Variants in PRKCE observed in about 807,000 individuals in gnomAD.
The protein encoded by PRKCE is protein kinase C epsilon type.
In PRKCE, 16 loss-of-function variants were observed where a neutral mutation model predicts 85.4. The observed-to-expected ratio is 0.19, with a 90% confidence interval of 0.13 to 0.28. The LOEUF is 0.28. PRKCE is among the 10% of genes least tolerant of loss of function. The pLI is 1.00. For synonymous variants in PRKCE, 388 were observed against 371.5 expected (o/e 1.04, Z -0.51); for missense variants, 573 against 975.2 (o/e 0.59, Z 5.49).
chr2:46,006,165 T>A (rs1232352020), intron 8 of PRKCE, among the ~76,000 whole-genome samples: 1 of 152,232 alleles, frequency 6.6e-6, no homozygotes, highest in African/African-American at 2.4e-5. Context: ...GCGACATTAT[T>A]ACAGAACAGA....
chr2:46,063,766 AACTCCTTACCAGCG>A, intron 10 of PRKCE, among the ~76,000 whole-genome samples: 1 of 152,140 alleles, frequency 6.6e-6, no homozygotes, highest in Non-Finnish European at 1.5e-5. Context: ...CCTTACCAGC[AACTCCTTACCAGCG>A]ACTCCTCTTC....
chr2:45,948,363 C>T (rs1182248515), intron 2 of PRKCE, among the ~76,000 whole-genome samples: 3 of 152,176 alleles, frequency 2.0e-5, no homozygotes, highest in South Asian at 2.1e-4. Context: ...ATTCGGGCTG[C>T]GTGCAGTGGC....
At chr2:45,677,594 G>T (rs1676577242) in intron 1 of PRKCE, among the ~76,000 whole-genome samples, 1 of 152,142 alleles carries the variant, frequency 6.6e-6, no homozygotes. Flanking sequence ...CTGACCTCAT[G>T]ATCCACCCGC....
intron 1 of PRKCE, among the ~76,000 whole-genome samples, chr2:45,700,016 A>C (rs1348152447): frequency 6.6e-6 from 1 of 151,928 alleles, no homozygotes; most frequent in Non-Finnish European, 1.5e-5. Context: ...TGTTGAGGGG[A>C]GGCAGTGGCC....
intron 2 of PRKCE, among the ~76,000 whole-genome samples, chr2:45,880,114 G>A (rs765018614): frequency 3.3e-5 from 5 of 152,174 alleles, no homozygotes; most frequent in Non-Finnish European, 7.4e-5. Context: ...GTGAGAGCAT[G>A]CAGTGTTTAA....
At chr2:45,908,822 AG>A (rs895783069) in intron 2 of PRKCE, among the ~76,000 whole-genome samples, 6 of 152,170 alleles carry the variant, frequency 3.9e-5, no homozygotes, top group African/African-American at 1.2e-4. Flanking sequence ...ATTATCCTCC[AG>A]GGTGGGCAAA....
At chr2:45,703,056 C>A (rs917804161) in intron 1 of PRKCE, among the ~76,000 whole-genome samples, 1 of 149,550 alleles carries the variant, frequency 6.7e-6, no homozygotes, top group Admixed American at 6.7e-5. Flanking sequence ...TTATTCCTAA[C>A]TAAAAGTTGT....
chr2:45,810,574 A>C (rs750103555), intron 1 of PRKCE, among the ~76,000 whole-genome samples: 9 of 151,742 alleles, frequency 5.9e-5, no homozygotes, highest in Non-Finnish European at 1.2e-4. Flanking sequence ...CTTCATCTCC[A>C]TTGGACATCA....
chr2:45,945,592 G>A (rs1700189666), intron 2 of PRKCE, among the ~76,000 whole-genome samples: 1 of 152,192 alleles, frequency 6.6e-6, no homozygotes, highest in Non-Finnish European at 1.5e-5. Context: ...AACCACAGCC[G>A]TCACTGGTTG....
chr2:46,111,828 T>C (rs1672283033), intron 11 of PRKCE, among the ~76,000 whole-genome samples: 2 of 152,224 alleles, frequency 1.3e-5, no homozygotes, highest in South Asian at 2.1e-4. Context: ...GGTATATACC[T>C]AGGAGTGGAC....
At chr2:46,055,370 C>T (rs577300608) in intron 10 of PRKCE, among the ~76,000 whole-genome samples, 1 of 152,360 alleles carries the variant, frequency 6.6e-6, no homozygotes, top group South Asian at 2.1e-4. Context: ...GAGTCTGCCC[C>T]TGCCAGCACC....
At chr2:45,959,697 A>T (rs539479816) in intron 2 of PRKCE, among the ~76,000 whole-genome samples, 2 of 152,270 alleles carry the variant, frequency 1.3e-5, no homozygotes, top group East Asian at 1.9e-4. Flanking sequence ...TTGTTCCCAG[A>T]GGTTAATGCC....
intron 1 of PRKCE, among the ~76,000 whole-genome samples, chr2:45,737,167 A>G (rs1295350208): frequency 6.6e-6 from 1 of 152,166 alleles, no homozygotes; most frequent in Non-Finnish European, 1.5e-5. Context: ...CCAACTTGAG[A>G]CCAAATGTTT....
intron 2 of PRKCE, among the ~76,000 whole-genome samples, chr2:45,967,060 GGT>G (rs1289762371): frequency 5.3e-5 from 8 of 152,160 alleles, no homozygotes; most frequent in Admixed American, 3.9e-4. Context: ...CAGGGCCAGG[GGT>G]GTGCTGGTGG....
In PRKCE at chr2:46,032,853, G is replaced by C. The variant is rs999809403; in HGVS notation, c.1437+22336G>C. ...ATATCGAAAGATTTCATGTTTCCCA[G>C]CTGAGACTTCCACATCTGCAGGCTG... is the stretch of plus-strand genomic sequence containing the variant. On this transcript the variant is annotated intron_variant, in intron 10 of 14. Coordinates refer to ENST00000306156, the MANE Select transcript of PRKCE (RefSeq NM_005400.3). Among the ~76,000 whole-genome samples the C allele has an allele frequency of 2.0e-5, 3 of 152,348 alleles. No individual in the cohort carries two copies. The South Asian group carries it at 6.2e-4, about 32-fold the overall frequency.
At chr2:45,943,360 G>A (rs1360846305) in intron 2 of PRKCE, among the ~76,000 whole-genome samples, 3 of 152,212 alleles carry the variant, frequency 2.0e-5, no homozygotes, top group African/African-American at 7.2e-5. Context: ...GTTGCACGTG[G>A]GTCCTATAGC....
intron 10 of PRKCE, among the ~76,000 whole-genome samples, chr2:46,023,089 CAAAAAAAAAAAAA>C (rs397984467): frequency 1.4e-5 from 1 of 71,494 alleles, no homozygotes; most frequent in Non-Finnish European, 2.5e-5. Flanking sequence ...GACTCCGTCT[CAAAAAAAAAAAAA>C]AAAAAAAATC....
At chr2:46,161,804 C>A (rs1390753890) in intron 14 of PRKCE, among the ~76,000 whole-genome samples, 1 of 152,132 alleles carries the variant, frequency 6.6e-6, no homozygotes, top group Non-Finnish European at 1.5e-5. Flanking sequence ...GATTCCAGAA[C>A]ACTGCCAAAG....
At chr2:45,987,075 C>A (rs924077855) in intron 6 of PRKCE, among the ~76,000 whole-genome samples, 3 of 151,250 alleles carry the variant, frequency 2.0e-5, no homozygotes, top group Admixed American at 6.6e-5. Context: ...ATCTAGTGAA[C>A]CTAAATGAAG....
Sources: gnomAD v4.1 joint callset for allele counts (sites outside exome capture counted in the v4.1 genomes callset) on GRCh38, gnomAD v4.1.1 for gene constraint, MANE v1.5 for transcripts, NCBI Gene and HGNC (gene_info 2026-07-23, HGNC 2026-07-21) for gene names.